The following ERMN variants were observed in gnomAD, a reference collection of about 807,000 sequenced individuals.
ERMN encodes ermin, ERM-like protein.
ERMN carries 17 observed loss-of-function variants against 21.4 expected under a neutral mutation model. That is an observed-to-expected ratio of 0.80 (90% CI 0.54 to 1.19). The LOEUF (loss-of-function observed/expected upper bound fraction) is 1.19. ERMN is among the 50% of genes most tolerant of loss of function. The probability of loss-of-function intolerance (pLI) is 0.00; values close to 1 mark genes in which losing one functional copy is unlikely to be tolerated. For missense variants in ERMN, 348 were observed against 331.6 expected (o/e 1.05, Z -0.38); for synonymous variants, 115 against 111.9 (o/e 1.03, Z -0.17).
chr2:157,325,992 G>C (rs1489515237), upstream of ERMN: 4 of 1,089,048 alleles, frequency 3.7e-6, no homozygotes, highest in East Asian at 1.6e-4. Flanking sequence ...TTGGCATGTA[G>C]AGAGGGACTT....
chr2:157,327,678 T>C, upstream of ERMN: 2 of 565,924 alleles, frequency 3.5e-6, no homozygotes, highest in South Asian at 4.3e-5. Flanking sequence ...CCCACAGGGG[T>C]TCGGCATTAG....
chr2:157,320,265 C>T lies in ERMN; in HGVS notation c.*1006G>A, dbSNP rs1326497577. ...CCCAACAACTATCAGAGCTCTCCCA[C>T]TAAAAATACATGCTCACGCTCTACT... is the stretch of plus-strand genomic sequence containing the variant. On this transcript the variant is annotated 3_prime_UTR_variant, in exon 3 of 3. Transcript: ENST00000410096. The T allele has an allele frequency of 6.6e-6, 1 of 152,604 alleles. No homozygotes were observed. The highest frequency in any genetic ancestry group is 1.5e-5 in the Non-Finnish European group (1 of 68,030). The allele number at this position is 152,604 out of a possible 1,614,324, so 9.5% of individuals were successfully genotyped here. A position where few individuals can be genotyped will look rare whatever the true frequency, so the allele number is the denominator to read the frequency against.
At chr2:157,324,831 T>C (rs1684020216) in intron 1 of ERMN, 69 bp from the exon 2 acceptor site, 1 of 1,138,850 alleles carries the variant, frequency 8.8e-7, no homozygotes, top group Non-Finnish European at 1.2e-6. Context: ...TAATAAGTTA[T>C]CAATTTAAAC....
Position 157,321,329 on chromosome 2 carries a change from A to G in ERMN, c.797T>C (p.Ile266Thr). 6.2e-7 allele frequency: 1 copy of G among 1,613,810 alleles called. No homozygotes were observed. The highest frequency in any genetic ancestry group is 8.5e-7 in the Non-Finnish European group (1 of 1,179,918). The change falls in exon 3 of 3, where the codon ATC (isoleucine) becomes ACC (threonine). Residue 266 changes from isoleucine (I) to threonine (T), a missense_variant. Transcript: ENST00000410096. ...TCTTTGCTTGGTATTTCCCTTTCTG[A>G]TTTTCCGATAGGATATTGTATTGTA... ...SRYNTISYRKIRKGNTKQRID... is the reference protein window; with the variant it reads ...SRYNTISYRKTRKGNTKQRID...
intron 2 of ERMN, among the ~76,000 whole-genome samples, chr2:157,322,186 C>T (rs571285080): frequency 5.9e-5 from 9 of 151,816 alleles, no homozygotes; most frequent in East Asian, 5.8e-4. Context: ...CAACTGGATA[C>T]GTGCACATGT....
At chr2:157,322,685 C>G (rs927567905) in intron 2 of ERMN, among the ~76,000 whole-genome samples, 1 of 152,152 alleles carries the variant, frequency 6.6e-6, no homozygotes, top group Non-Finnish European at 1.5e-5. Flanking sequence ...GTTCAGTTCT[C>G]TTATTTTTTT....
chr2:157,325,005 T>C lies in ERMN; in HGVS notation c.242-243A>G. On this transcript the variant is annotated intron_variant, in intron 1 of 2. Transcript: ENST00000410096. ...GATATATATATAAGATATAGAACCATAAATTCAGAGAACTTCAGTTATATT... is the reference window on the plus strand; with the variant it reads ...GATATATATATAAGATATAGAACCACAAATTCAGAGAACTTCAGTTATATT... 2.0e-5 allele frequency: 7 copies of C among 356,086 alleles called. No individual in the cohort carries two copies. In the South Asian group the frequency reaches 2.4e-4, roughly 12 times the overall value. 22.1% of individuals were successfully genotyped at this position (356,086 alleles called of 1,614,324 possible). A position where few individuals can be genotyped will look rare whatever the true frequency, so the allele number is the denominator to read the frequency against.
chr2:157,322,273 C>T (rs1683932276), intron 2 of ERMN, among the ~76,000 whole-genome samples: 2 of 150,680 alleles, frequency 1.3e-5, no homozygotes, highest in Admixed American at 6.6e-5. Context: ...CACACACACA[C>T]CTCAAGGAAA....
At position 157,324,677 on chromosome 2, in the gene ERMN, G is replaced by A; in HGVS notation, c.327C>T (p.Phe109=). ...LQETSADEMT[F]REGHQWEKIP... ...AACTGTAGTTCTTGTTACCTTCTCT[G>A]AATGTCATTTCATCAGCACTAGTTT... Residue 109 remains phenylalanine, a synonymous_variant, in exon 2 of 3, where the codon TTC becomes TTT. Transcript: ENST00000410096. The A allele has an allele frequency of 1.2e-6, 2 of 1,610,916 alleles. No homozygotes were observed. The highest frequency in any genetic ancestry group is 1.7e-6 in the Non-Finnish European group (2 of 1,177,542).
At position 157,321,726 on chromosome 2, in the gene ERMN, T is replaced by A. The variant is rs772874329; in HGVS notation, c.400A>T (p.Ile134Phe). 1.9e-6 allele frequency: 3 copies of A among 1,613,764 alleles called. No homozygotes were observed. The highest frequency in any genetic ancestry group is 4.5e-5 in the East Asian group (2 of 44,876). ...TCCTCTTTGAGAGGCTGCTCAGTAATCCTCTCCTTCTGTCTTCTTATTTCC... is the reference window on the plus strand; with the variant it reads ...TCCTCTTTGAGAGGCTGCTCAGTAAACCTCTCCTTCTGTCTTCTTATTTCC... ...NQEIRRQKER[I>F]TEQPLKEEED... Residue 134 changes from isoleucine to phenylalanine, a missense_variant, in exon 3 of 3, where the codon ATT becomes TTT. By Grantham distance (21) the Ile-to-Phe change is conservative. Transcript: ENST00000410096.
At chr2:157,324,087 T>C (rs1244509611) in intron 2 of ERMN, 2 of 166,720 alleles carry the variant, frequency 1.2e-5, no homozygotes, top group Admixed American at 6.5e-5. Context: ...CCGTCTCTAC[T>C]AAAAATACAC....
Position 157,319,723 on chromosome 2 carries a change from C to T in ERMN, c.*1548G>A, listed in dbSNP as rs531742889. The T allele has an allele frequency of 1.3e-5, 2 of 152,174 alleles. No homozygotes were observed. Among genetic ancestry groups the T allele is most frequent in the South Asian group, 4.1e-4 (2 of 4,826 alleles). 9.4% of individuals were successfully genotyped at this position (152,174 alleles called of 1,614,324 possible). A position where few individuals can be genotyped will look rare whatever the true frequency, so the allele number is the denominator to read the frequency against. ...GTTGTATAGAATGAGGGTAACAGAACTTTTATGTTATCTGTTTGAAAGAAT... is the reference window on the plus strand; with the variant it reads ...GTTGTATAGAATGAGGGTAACAGAATTTTTATGTTATCTGTTTGAAAGAAT... On this transcript the variant is annotated 3_prime_UTR_variant, in exon 3 of 3. Transcript: ENST00000410096.
At chr2:157,322,809 A>G (rs1320345268) in intron 2 of ERMN, among the ~76,000 whole-genome samples, 1 of 152,206 alleles carries the variant, frequency 6.6e-6, no homozygotes, top group African/African-American at 2.4e-5. Context: ...TGTCCCGTCA[A>G]TGTTCCTAAC....
rs921266180 is a variant in ERMN, at chr2:157,321,193, G to A, written c.*78C>T. The A allele has an allele frequency of 4.6e-6, 7 of 1,520,974 alleles. No individual in the cohort carries two copies. In the Admixed American group the frequency reaches 1.4e-4, roughly 31 times the overall value. 94.2% of individuals were successfully genotyped at this position (1,520,974 alleles called of 1,614,324 possible). A position where few individuals can be genotyped will look rare whatever the true frequency, so the allele number is the denominator to read the frequency against. ...CCCTCCAAGTGATAACTCAAATAAGGCATAGAAATATGCACCCTGGGGCAA... is the reference window on the plus strand; with the variant it reads ...CCCTCCAAGTGATAACTCAAATAAGACATAGAAATATGCACCCTGGGGCAA... On this transcript the variant is annotated 3_prime_UTR_variant, in exon 3 of 3. Coordinates refer to ENST00000410096, the MANE Select transcript of ERMN (RefSeq NM_020711.3).
chr2:157,319,069 A>T lies in ERMN; in HGVS notation c.*2202T>A, dbSNP rs1683798141. On this transcript the variant is annotated 3_prime_UTR_variant, in exon 3 of 3. Transcript: ENST00000410096. ...AATGGCCAACCATCACCATTATGTT[A>T]CCTGAGGTCACTTAACTCTGTGGCT... The T allele has an allele frequency of 6.6e-6, 1 of 152,146 alleles. No individual in the cohort carries two copies. Among genetic ancestry groups the T allele is most frequent in the Admixed American group, 6.6e-5 (1 of 15,258 alleles). 9.4% of individuals were successfully genotyped at this position (152,146 alleles called of 1,614,324 possible).
chr2:157,322,063 G>T (rs1441405506), intron 2 of ERMN, among the ~76,000 whole-genome samples: 1 of 152,016 alleles, frequency 6.6e-6, no homozygotes, highest in Non-Finnish European at 1.5e-5. Context: ...CTGTAAGAAA[G>T]TCAACAACCT....
At chr2:157,326,898 G>A (rs1684080745), upstream of ERMN, among the ~76,000 whole-genome samples, 1 of 152,020 alleles carries the variant, frequency 6.6e-6, no homozygotes. Context: ...AACTAAATAA[G>A]CAACTGCACA....
At position 157,325,418 on chromosome 2, in the gene ERMN, C is replaced by G; in HGVS notation, c.225G>C (p.Glu75Asp). ...QGNMLLNSSMEDKMLKENPEE... is the reference protein window; with the variant it reads ...QGNMLLNSSMDDKMLKENPEE... ...ACACTTTACCTTTTAGCATTTTGTC[C>G]TCCATGGATGAGTTGAGCAGCATGT... is the stretch of plus-strand genomic sequence containing the variant. The change falls in exon 1 of 3, where the codon GAG becomes GAC. Residue 75 changes from glutamate (E) to aspartate (D), a missense_variant. By Grantham distance (45) the Glu-to-Asp change is conservative. Coordinates refer to ENST00000410096, the MANE Select transcript of ERMN (RefSeq NM_020711.3). 1 of 1,613,942 alleles carries G rather than the reference C, an allele frequency of 6.2e-7. No individual in the cohort carries two copies. The highest frequency in any genetic ancestry group is 8.5e-7 in the Non-Finnish European group (1 of 1,179,956).
In ERMN at chr2:157,325,564, T is replaced by C; in HGVS notation, c.79A>G (p.Thr27Ala). 1 of 1,614,170 alleles carries C rather than the reference T, an allele frequency of 6.2e-7. No individual in the cohort carries two copies. The highest frequency in any genetic ancestry group is 8.5e-7 in the Non-Finnish European group (1 of 1,180,030). Residue 27 changes from threonine (T) to alanine (A), a missense_variant, in exon 1 of 3, where the codon ACT becomes GCT. By Grantham distance (58) the Thr-to-Ala change is moderately conservative. Coordinates refer to ENST00000410096, the MANE Select transcript of ERMN (RefSeq NM_020711.3). ...TCAGTCAATTCCTCACTGATTTTAG[T>C]GATTGTTTGTTGACCGTTTTCAGGT... ...KPPENGQQTI[T>A]KISEELTDVD... is the part of the protein sequence containing the mutation.
Sources: gnomAD v4.1 joint callset for allele counts (sites outside exome capture counted in the v4.1 genomes callset) on GRCh38, gnomAD v4.1.1 for gene constraint, MANE v1.5 for transcripts, NCBI Gene and HGNC (gene_info 2026-07-23, HGNC 2026-07-21) for gene names.